PDE8B: variants seen among roughly 807,000 people sequenced by gnomAD.
The protein encoded by PDE8B is phosphodiesterase 8B, also known as high affinity cAMP-specific and IBMX-insensitive 3',5'-cyclic phosphodiesterase 8B.
A neutral mutation model predicts 101.3 loss-of-function variants in PDE8B; 26 were observed. The observed-to-expected ratio is 0.26, with a 90% confidence interval of 0.19 to 0.36. The LOEUF is 0.36. Among genes scored for constraint, PDE8B ranks in the 10% least tolerant of loss-of-function variants. The pLI is 1.00. For missense variants in PDE8B, 810 were observed against 1,163.1 expected, an observed-to-expected ratio of 0.70 and a Z score of 4.42; for synonymous variants, 424 against 429.3, an observed-to-expected ratio of 0.99 and a Z score of 0.15.
At chr5:77,197,086 A>G in the PDE8B span, among the ~76,000 whole-genome samples, 1 of 134,766 alleles carries the variant, frequency 7.4e-6, no homozygotes, top group African/African-American at 2.7e-5. Flanking sequence ...AGGTTTATCT[A>G]TTGTACTGAC....
At chr5:77,123,362 A>G in the PDE8B span, among the ~76,000 whole-genome samples, 7 of 145,952 alleles carry the variant, frequency 4.8e-5, no homozygotes, top group Non-Finnish European at 9.0e-5. Context: ...TTCCTCCCCC[A>G]CCGCCCCCCG....
chr5:77,268,913 A>T (rs998521370), intron 1 of PDE8B, among the ~76,000 whole-genome samples: 1 of 151,428 alleles, frequency 6.6e-6, no homozygotes, highest in Non-Finnish European at 1.5e-5. Flanking sequence ...AGCTCTTGTG[A>T]ATAGTGCTAT....
At chr5:77,240,086 CTT>C (rs113198520) in intron 1 of PDE8B, among the ~76,000 whole-genome samples, 2 of 145,626 alleles carry the variant, frequency 1.4e-5, no homozygotes, top group Admixed American at 6.8e-5. Context: ...TAAAATGAAG[CTT>C]TTTTTTTTTG....
In PDE8B at chr5:77,237,411, T is replaced by G. The variant is rs189996753; in HGVS notation, c.339+26147T>G. Among the ~76,000 whole-genome samples, 5 of 149,792 alleles carry G rather than the reference T, an allele frequency of 3.3e-5. No homozygotes were observed. The East Asian group carries it at 6.0e-4, about 18-fold the overall frequency. The stretch of plus-strand genomic sequence containing the variant: ...TTTTACTACATCTCTTTGTGTAGAT[T>G]TTTTAGTGGTTGCTCTAGGGATTAT... On this transcript the variant is annotated intron_variant, in intron 1 of 21. Coordinates refer to ENST00000264917, the MANE Select transcript of PDE8B (RefSeq NM_003719.5).
intron 11 of PDE8B, among the ~76,000 whole-genome samples, chr5:77,404,413 G>A (rs182669630): frequency 6.6e-6 from 1 of 152,234 alleles, no homozygotes; most frequent in East Asian, 1.9e-4. Flanking sequence ...CAGGTGTGAG[G>A]CCCTGCGCCC....
chr5:77,350,041 T>C (rs1561565698), intron 8 of PDE8B, among the ~76,000 whole-genome samples: 3 of 152,174 alleles, frequency 2.0e-5, no homozygotes, highest in Non-Finnish European at 4.4e-5. Context: ...TGGCTTCCCC[T>C]TCATCTGGGT....
chr5:77,101,674 G>A, the PDE8B span, among the ~76,000 whole-genome samples: 1 of 152,056 alleles, frequency 6.6e-6, no homozygotes, highest in African/African-American at 2.4e-5. Context: ...GATCTCGGTG[G>A]CAGGAATGAG....
intron 10 of PDE8B, among the ~76,000 whole-genome samples, chr5:77,366,454 G>A (rs1279064278): frequency 3.3e-5 from 5 of 152,196 alleles, no homozygotes; most frequent in Non-Finnish European, 5.9e-5. Context: ...CAGAGACAGC[G>A]GTTGTTGAGT....
chr5:77,406,282 T>G (rs6883469), intron 12 of PDE8B, among the ~76,000 whole-genome samples: 29,216 of 151,610 alleles, frequency 0.19, 3,291 homozygotes, highest in African/African-American at 0.3. Context: ...CATCTCAAAA[T>G]AAAAATAAAA....
chr5:77,403,810 A>G (rs975625760), intron 11 of PDE8B, among the ~76,000 whole-genome samples: 3 of 149,062 alleles, frequency 2.0e-5, no homozygotes, highest in Admixed American at 1.3e-4. Flanking sequence ...TTTAATGTTT[A>G]TTTTCTTAAA....
intron 18 of PDE8B, 146 bp downstream of exon 18, chr5:77,418,592 AC>A: frequency 1.4e-6 from 1 of 699,114 alleles, no homozygotes. Flanking sequence ...ACTTAATTTG[AC>A]TTTTCAGACT....
chr5:77,196,878 A>G, the PDE8B span, among the ~76,000 whole-genome samples: 1 of 152,234 alleles, frequency 6.6e-6, no homozygotes, highest in African/African-American at 2.4e-5. Flanking sequence ...GTAGAGGGAA[A>G]TCTAGATTTT....
At chr5:77,424,826 G>GTT (rs36120983) in intron 20 of PDE8B, among the ~76,000 whole-genome samples, 23,333 of 147,070 alleles carry the variant, frequency 0.16, 2,048 homozygotes, top group Admixed American at 0.21. Flanking sequence ...TTTGTTTTTT[G>GTT]TTTTTTGTTT....
At chr5:77,336,442 A>G (rs1399403746) in intron 5 of PDE8B, among the ~76,000 whole-genome samples, 2 of 152,072 alleles carry the variant, frequency 1.3e-5, no homozygotes. Context: ...CAATCAATTG[A>G]CCTATTCTAG....
chr5:77,186,384 A>C, the PDE8B span, among the ~76,000 whole-genome samples: 1 of 152,234 alleles, frequency 6.6e-6, no homozygotes, highest in Admixed American at 6.5e-5. Flanking sequence ...GACAATGAGA[A>C]TTGGCAGTTA....
chr5:77,232,163 A>G (rs1333511519), intron 1 of PDE8B, among the ~76,000 whole-genome samples: 2 of 152,272 alleles, frequency 1.3e-5, no homozygotes, highest in Non-Finnish European at 2.9e-5. Context: ...TTTTGCAAGC[A>G]TAGAAAAACA....
intron 1 of PDE8B, among the ~76,000 whole-genome samples, chr5:77,287,258 A>G (rs755447823): frequency 7.9e-5 from 12 of 151,874 alleles, no homozygotes; most frequent in African/African-American, 2.9e-4. Flanking sequence ...TTATTGAAGT[A>G]TATTTTTACT....
At chr5:77,136,612 G>GTGTA in the PDE8B span, among the ~76,000 whole-genome samples, 3 of 152,182 alleles carry the variant, frequency 2.0e-5, no homozygotes, top group African/African-American at 7.2e-5. Flanking sequence ...CCACTGCAGT[G>GTGTA]TGTATGGCAG....
At position 77,211,836 on chromosome 5, in the gene PDE8B, C is replaced by G. The variant is rs1748489750; in HGVS notation, c.339+572C>G. Among the ~76,000 whole-genome samples, 1 of 152,114 alleles carries G rather than the reference C, an allele frequency of 6.6e-6. No individual in the cohort carries two copies. Among genetic ancestry groups the G allele is most frequent in the African/African-American group, 2.4e-5 (1 of 41,426 alleles). ...ATGTGGGAACGGAGCAGAGTGGAACCTGTTGTTTGTCACTGTAACGTTTCT... is the reference window on the plus strand; with the variant it reads ...ATGTGGGAACGGAGCAGAGTGGAACGTGTTGTTTGTCACTGTAACGTTTCT... On this transcript the variant is annotated intron_variant, in intron 1 of 21. Coordinates refer to ENST00000264917, the MANE Select transcript of PDE8B (RefSeq NM_003719.5). This position sits in a 1 kb window ranked among gnomAD's most constrained non-coding sequence, Gnocchi z 4.1.
Sources: allele counts gnomAD v4.1 joint callset (sites outside exome capture counted in the v4.1 genomes callset), GRCh38; gene constraint gnomAD v4.1.1; non-coding constraint Gnocchi (gnomAD v3.1); transcripts MANE v1.5; gene names NCBI Gene and HGNC (gene_info 2026-07-23, HGNC 2026-07-21).